GALNT6: variants seen among roughly 807,000 people sequenced by gnomAD.
GALNT6 encodes polypeptide N-acetylgalactosaminyltransferase 6, also known as GalNAc transferase 6.
Under a neutral mutation model 65.9 loss-of-function variants are expected in GALNT6, and 51 were observed. That is an observed-to-expected ratio of 0.77 (90% CI 0.62 to 0.98). The LOEUF (loss-of-function observed/expected upper bound fraction) is 0.98. Ranked by LOEUF, GALNT6 falls within the 50% of genes least tolerant of loss-of-function variation. GALNT6 has a pLI of 0.00. For missense variants in GALNT6, 708 were observed against 803.3 expected (o/e 0.88, Z 1.43); for synonymous variants, 323 against 315.1 (o/e 1.02, Z -0.26).
At chr12:51,358,996 G>T in intron 8 of GALNT6, 136 bp downstream of exon 8, 1 of 707,188 alleles carries the variant, frequency 1.4e-6, no homozygotes, top group Non-Finnish European at 2.5e-6. Context: ...CTGGGCTCTA[G>T]CTCACAGGTC....
intron 2 of GALNT6, among the ~76,000 whole-genome samples, chr12:51,383,153 G>C (rs1947725640): frequency 6.6e-6 from 1 of 152,312 alleles, no homozygotes; most frequent in Admixed American, 6.5e-5. Context: ...AAGGCTTCGG[G>C]GAGGAAATGG....
At position 51,352,034 on chromosome 12, in the gene GALNT6, G is replaced by T. The variant is rs1365422808; in HGVS notation, c.*2345C>A. 2.6e-5 allele frequency: 4 copies of T among 152,288 alleles called. No individual in the cohort carries two copies. The highest frequency in any genetic ancestry group is 2.0e-4 in the Admixed American group (3 of 15,282). 9.4% of individuals were successfully genotyped at this position (152,288 alleles called of 1,614,324 possible). A position where few individuals can be genotyped will look rare whatever the true frequency, so the allele number is the denominator to read the frequency against. On this transcript the variant is annotated 3_prime_UTR_variant, in exon 12 of 12. Coordinates refer to ENST00000356317, the MANE Select transcript of GALNT6 (RefSeq NM_007210.4). ...CTGTAGGCTCCAGAAGGCTCTCAGG[G>T]ATGTAGGCGGCCTCCCGCAGGGTTG...
chr12:51,359,539 C>G, intron 7 of GALNT6: 1 of 473,884 alleles, frequency 2.1e-6, no homozygotes, highest in Non-Finnish European at 3.7e-6. Context: ...TGTTGGTTCA[C>G]TCTGACTTAA....
At chr12:51,374,051 G>C (rs532290691) in intron 4 of GALNT6, among the ~76,000 whole-genome samples, 1 of 151,670 alleles carries the variant, frequency 6.6e-6, no homozygotes, top group African/African-American at 2.4e-5. Context: ...ATAGAGATGG[G>C]GTCTTGTGAC....
At chr12:51,354,776 C>T (rs1393641324) in intron 11 of GALNT6, among the ~76,000 whole-genome samples, 1 of 152,170 alleles carries the variant, frequency 6.6e-6, no homozygotes, top group Admixed American at 6.5e-5. Flanking sequence ...CCCGCACCCC[C>T]AGATGGCCAG....
intron 2 of GALNT6, among the ~76,000 whole-genome samples, chr12:51,386,894 C>T (rs1335306317): frequency 2.0e-5 from 3 of 152,146 alleles, no homozygotes; most frequent in Non-Finnish European, 2.9e-5. Context: ...CTCCAAAGCC[C>T]TCCTCCCACC....
intron 11 of GALNT6, among the ~76,000 whole-genome samples, chr12:51,354,924 C>T (rs1482861343): frequency 7.4e-6 from 1 of 135,516 alleles, no homozygotes. Flanking sequence ...ACTTGGGGTG[C>T]TGGCTTGAGC....
chr12:51,369,827 C>T (rs1947230747), intron 4 of GALNT6, among the ~76,000 whole-genome samples: 1 of 152,178 alleles, frequency 6.6e-6, no homozygotes, highest in Admixed American at 6.5e-5. Context: ...GCAGGTACTG[C>T]CAGCTCTCTC....
chr12:51,384,395 T>C (rs994851949), intron 2 of GALNT6, among the ~76,000 whole-genome samples: 24 of 152,116 alleles, frequency 1.6e-4, no homozygotes, highest in Non-Finnish European at 1.5e-4. Flanking sequence ...AAAATTTCTT[T>C]AAAAGACCAG....
intron 4 of GALNT6, among the ~76,000 whole-genome samples, chr12:51,374,705 G>C (rs995474997): frequency 4.6e-5 from 7 of 152,150 alleles, no homozygotes; most frequent in Admixed American, 4.6e-4. Context: ...GGCTAAGCTT[G>C]TGGAGACTCT....
chr12:51,359,409 T>C, intron 7 of GALNT6, 77 bp from the exon 8 acceptor site: 1 of 1,003,060 alleles, frequency 1.0e-6, no homozygotes, highest in Non-Finnish European at 1.5e-6. Context: ...TCTATTCTAT[T>C]CCCAGAGCAC....
rs181149904 is a variant in GALNT6, at chr12:51,371,726, C to T, written c.664+5469G>A. Among the ~76,000 whole-genome samples the T allele has an allele frequency of 6.5e-3, 989 of 152,214 alleles. 10 individuals are homozygous for T. The highest frequency in any genetic ancestry group is 0.023 in the African/African-American group (946 of 41,522). On this transcript the variant is annotated intron_variant, in intron 4 of 11. Coordinates refer to ENST00000356317, the MANE Select transcript of GALNT6 (RefSeq NM_007210.4). The stretch of plus-strand genomic sequence containing the variant: ...ACTCAGAGGTGGGGAAGAAAAAGCT[C>T]CCCAGCTCAGCACGCGGTCTCCTCC...
At chr12:51,355,574 A>G (rs1231421811) in intron 11 of GALNT6, among the ~76,000 whole-genome samples, 2 of 152,094 alleles carry the variant, frequency 1.3e-5, no homozygotes, top group Non-Finnish European at 1.5e-5. Context: ...GGTTCCGGCA[A>G]TTCTCCTGCC....
At chr12:51,376,837 T>C (rs1306750087) in intron 4 of GALNT6, among the ~76,000 whole-genome samples, 1 of 151,938 alleles carries the variant, frequency 6.6e-6, no homozygotes, top group East Asian at 1.9e-4. Context: ...AAAGGGCTGG[T>C]TGGGGAGTCT....
At chr12:51,359,104 A>C in intron 8 of GALNT6, 28 bp downstream of exon 8, 1 of 1,579,734 alleles carries the variant, frequency 6.3e-7, no homozygotes, top group Non-Finnish European at 8.7e-7. Context: ...TCTTCATCTA[A>C]ACCTCTCCGA....
chr12:51,361,190 G>A (rs1049348491), intron 6 of GALNT6, among the ~76,000 whole-genome samples: 3 of 152,222 alleles, frequency 2.0e-5, no homozygotes, highest in Non-Finnish European at 2.9e-5. Context: ...AGTCACAGAG[G>A]TTAAAGCTAC....
At chr12:51,358,658 C>T (rs1254365398) in intron 8 of GALNT6, among the ~76,000 whole-genome samples, 2 of 152,136 alleles carry the variant, frequency 1.3e-5, no homozygotes, top group Admixed American at 6.6e-5. Context: ...TAGCATGGAG[C>T]GCCTGGGGCT....
chr12:51,365,707 C>A (rs1947080407), intron 4 of GALNT6, 128 bp from the exon 5 acceptor site: 1 of 810,562 alleles, frequency 1.2e-6, no homozygotes, highest in African/African-American at 1.7e-5. Flanking sequence ...ACCTGCTGTA[C>A]TGAGCCATTC....
chr12:51,390,681 A>G (rs548900437), intron 2 of GALNT6, among the ~76,000 whole-genome samples, 169 bp downstream of exon 2: 6 of 151,678 alleles, frequency 4.0e-5, no homozygotes, highest in African/African-American at 1.4e-4. Flanking sequence ...AACCTCACCC[A>G]GTGCCTGTAA....
Sources: gnomAD v4.1 joint callset for allele counts (sites outside exome capture counted in the v4.1 genomes callset) on GRCh38, gnomAD v4.1.1 for gene constraint, MANE v1.5 for transcripts, NCBI Gene and HGNC (gene_info 2026-07-23, HGNC 2026-07-21) for gene names.